The following ADAMTS14 variants were observed in gnomAD, a reference collection of about 807,000 sequenced individuals.
The protein encoded by ADAMTS14 is ADAM metallopeptidase with thrombospondin type 1 motif 14.
A neutral mutation model predicts 128.6 loss-of-function variants in ADAMTS14; 100 were observed. The observed-to-expected ratio is 0.78, with a 90% confidence interval of 0.66 to 0.92. The LOEUF (loss-of-function observed/expected upper bound fraction) is 0.92, where lower values mean the gene tolerates loss of function less well. Among genes scored for constraint, ADAMTS14 ranks in the 40% least tolerant of loss-of-function variants. The pLI is 0.00. For synonymous variants in ADAMTS14, 665 were observed against 653.8 expected, an observed-to-expected ratio of 1.02 and a Z score of -0.26; for missense variants, 1,562 against 1,658.6, an observed-to-expected ratio of 0.94 and a Z score of 1.01.
chr10:70,719,002 T>A (rs1841160474), intron 4 of ADAMTS14, among the ~76,000 whole-genome samples: 1 of 151,970 alleles, frequency 6.6e-6, no homozygotes, highest in African/African-American at 2.4e-5. Flanking sequence ...ACCCAAGCAG[T>A]AGTTCTTAAC....
chr10:70,749,640 C>CGT (rs1589336737), intron 15 of ADAMTS14, among the ~76,000 whole-genome samples, 182 bp from the exon 16 acceptor site: 1 of 102,514 alleles, frequency 9.8e-6, no homozygotes, highest in South Asian at 2.8e-4. Flanking sequence ...TGTGTGTGCG[C>CGT]GCACGTGGGT....
Position 70,674,807 on chromosome 10 carries a change from G to A in ADAMTS14, c.334G>A (p.Val112Ile). The A allele has an allele frequency of 6.2e-7, 1 of 1,613,848 alleles. No individual in the cohort carries two copies. Among genetic ancestry groups the A allele is most frequent in the South Asian group, 1.1e-5 (1 of 91,082 alleles). ...GRHSLYFNVT[V>I]FGKELHLRLR... ...CCACTCCCTCTACTTCAATGTCACT[G>A]TTTTCGGGAAGGAACTGCACTTGCG... Residue 112 changes from valine to isoleucine, a missense_variant, in exon 2 of 22, where the codon GTT becomes ATT. Physicochemically the swap from Val to Ile is conservative, Grantham distance 29. Transcript: ENST00000373207.
At position 70,715,003 on chromosome 10, in the gene ADAMTS14, C is replaced by A. The variant is rs76766487; in HGVS notation, c.870+6225C>A. Among the ~76,000 whole-genome samples, 100 of 147,146 alleles carry A rather than the reference C, an allele frequency of 6.8e-4. 1 individual carries two copies. The East Asian group carries it at 0.019, about 28-fold the overall frequency. ...AAAACCTGGGGGCTTATATTCTTAG[C>A]TTAATAGGGAGAGAAAGGGGAAGGG... On this transcript the variant is annotated intron_variant, in intron 4 of 21. Coordinates refer to ENST00000373207, the MANE Select transcript of ADAMTS14 (RefSeq NM_080722.4).
chr10:70,758,037 T>C lies in ADAMTS14; in HGVS notation c.3013T>C (p.Cys1005Arg). ...CRTNANSLGH[C>R]EGDRPDTVQV... ...GACCAACGCCAACAGCCTCGGGCAT[T>C]GCGAGGGGGATAGGCCAGACACTGT... Residue 1005 changes from cysteine to arginine, a missense_variant, in exon 20 of 22, where the codon TGC (cysteine) becomes CGC (arginine). By Grantham distance (180) the Cys-to-Arg change is radical. Transcript: ENST00000373207. 1.2e-6 allele frequency: 2 copies of C among 1,613,674 alleles called. No homozygotes were observed. Among genetic ancestry groups the C allele is most frequent in the Non-Finnish European group, 1.7e-6 (2 of 1,179,902 alleles).
chr10:70,693,402 C>T (rs1840245248), intron 2 of ADAMTS14, among the ~76,000 whole-genome samples: 1 of 152,182 alleles, frequency 6.6e-6, no homozygotes, highest in Admixed American at 6.5e-5. Context: ...CCTCCTGAGC[C>T]ACTGGGGCTT....
At chr10:70,754,811 T>C (rs139882905) in intron 19 of ADAMTS14, among the ~76,000 whole-genome samples, 1 of 152,178 alleles carries the variant, frequency 6.6e-6, no homozygotes, top group East Asian at 1.9e-4. Flanking sequence ...CTGTGGAAGG[T>C]TGAGCGTTAG....
At chr10:70,673,548 G>A (rs1418313288) in intron 1 of ADAMTS14, among the ~76,000 whole-genome samples, 1 of 152,162 alleles carries the variant, frequency 6.6e-6, no homozygotes, top group Admixed American at 6.5e-5. Context: ...CTCCTTGTTT[G>A]TGAGCCTTGT....
At chr10:70,707,294 A>T (rs1310515713) in intron 3 of ADAMTS14, among the ~76,000 whole-genome samples, 2 of 152,034 alleles carry the variant, frequency 1.3e-5, no homozygotes, top group Non-Finnish European at 2.9e-5. Context: ...CATGCTGGGG[A>T]TATTGTGGTG....
rs188902880 is a variant in ADAMTS14 at position 70,709,685 on chromosome 10, A to G, written c.870+907A>G. 9.0e-4 allele frequency among the ~76,000 whole-genome samples: 137 copies of G among 152,092 alleles called. 1 individual carries two copies. The East Asian group carries it at 0.022, about 24-fold the overall frequency. ...CCGGCTAATTTTTTGTATTTTTAGT[A>G]GAGACGGGATTTCACTGTGTTAGCC... is the stretch of plus-strand genomic sequence containing the variant. On this transcript the variant is annotated intron_variant, in intron 4 of 21. Coordinates refer to ENST00000373207, the MANE Select transcript of ADAMTS14 (RefSeq NM_080722.4).
At chr10:70,757,291 C>T (rs1842499327) in intron 19 of ADAMTS14, among the ~76,000 whole-genome samples, 1 of 152,154 alleles carries the variant, frequency 6.6e-6, no homozygotes, top group South Asian at 2.1e-4. Flanking sequence ...GCTCCTTGTA[C>T]CCGCACCCTG....
chr10:70,740,509 A>G (rs1238335339), intron 11 of ADAMTS14, among the ~76,000 whole-genome samples: 1 of 152,248 alleles, frequency 6.6e-6, no homozygotes, highest in Non-Finnish European at 1.5e-5. Context: ...CTTGGAAGCC[A>G]GCTCTTCTGA....
At chr10:70,739,085 G>A (rs4746061) in intron 11 of ADAMTS14, 95 bp downstream of exon 11, 305,968 of 1,433,614 alleles carry the variant, frequency 0.21, 38,213 homozygotes, top group East Asian at 0.62. Context: ...GTGCAGGAGA[G>A]AAGGGCCCCT....
At chr10:70,728,521 G>T (rs1841516555) in intron 4 of ADAMTS14, among the ~76,000 whole-genome samples, 1 of 152,216 alleles carries the variant, frequency 6.6e-6, no homozygotes, top group South Asian at 2.1e-4. Context: ...TTTCCTTTAG[G>T]GTGGACAAGC....
At chr10:70,719,460 G>T (rs992148661) in intron 4 of ADAMTS14, among the ~76,000 whole-genome samples, 1 of 151,780 alleles carries the variant, frequency 6.6e-6, no homozygotes, top group African/African-American at 2.4e-5. Context: ...GGAGTGCAGT[G>T]GTGCGATCAT....
At chr10:70,753,717 T>TG (rs1842407435) in intron 18 of ADAMTS14, 83 bp from the exon 19 acceptor site, 12 of 1,391,770 alleles carry the variant, frequency 8.6e-6, no homozygotes, top group African/African-American at 1.4e-5. Flanking sequence ...GGCTCCTGCC[T>TG]GCAGCTGTCT....
intron 8 of ADAMTS14, among the ~76,000 whole-genome samples, chr10:70,734,614 C>T (rs1351482166): frequency 1.3e-5 from 2 of 152,174 alleles, no homozygotes; most frequent in African/African-American, 4.8e-5. Context: ...CTGGTCAGCT[C>T]CTGGGTCTTC....
At chr10:70,707,087 G>T (rs1019617297) in intron 3 of ADAMTS14, among the ~76,000 whole-genome samples, 6 of 152,204 alleles carry the variant, frequency 3.9e-5, no homozygotes, top group African/African-American at 1.2e-4. Context: ...TCCCCAACAG[G>T]TCTGGATCTC....
Position 70,732,277 on chromosome 10 carries a change from T to A in ADAMTS14, c.1126T>A (p.Cys376Ser). 1 of 1,614,184 alleles carries A rather than the reference T, an allele frequency of 6.2e-7. No homozygotes were observed. The highest frequency in any genetic ancestry group is 2.2e-5 in the East Asian group (1 of 44,880). Residue 376 changes from cysteine to serine, a missense_variant, in exon 7 of 22, where the codon TGT becomes AGT. Cys to Ser is a moderately radical substitution (Grantham distance 112). Coordinates refer to ENST00000373207, the MANE Select transcript of ADAMTS14 (RefSeq NM_080722.4). ...PSGYAPVTGM[C>S]HPLRSCALNH... Reference sequence around the variant, plus strand: ...AGGGTATGCACCCGTCACTGGCATGTGTCACCCCCTGAGGAGCTGTGCCCT... The same window carrying A: ...AGGGTATGCACCCGTCACTGGCATGAGTCACCCCCTGAGGAGCTGTGCCCT...
chr10:70,751,712 G>C (rs1283396933), intron 17 of ADAMTS14, 66 bp downstream of exon 17: 65 of 1,562,050 alleles, frequency 4.2e-5, no homozygotes, highest in Non-Finnish European at 5.4e-5. Flanking sequence ...AGGCAGGGGT[G>C]GGGGACTGAT....
Sources: allele counts gnomAD v4.1 joint callset (sites outside exome capture counted in the v4.1 genomes callset), GRCh38; gene constraint gnomAD v4.1.1; transcripts MANE v1.5; gene names NCBI Gene and HGNC (gene_info 2026-07-23, HGNC 2026-07-21).